The following KCNC2 variants were observed in gnomAD, a reference collection of about 807,000 sequenced individuals.
KCNC2 encodes the protein potassium voltage-gated channel subfamily C member 2, also known as voltage-gated potassium channel KCNC2.
A neutral mutation model predicts 44.5 loss-of-function variants in KCNC2; 21 were observed. The ratio of observed to expected loss-of-function variants is 0.47; its 90% confidence interval spans 0.33 to 0.68. The LOEUF (loss-of-function observed/expected upper bound fraction) is 0.68, where lower values mean the gene tolerates loss of function less well. Ranked by LOEUF, KCNC2 falls within the 30% of genes least tolerant of loss-of-function variation. The pLI, the probability that KCNC2 is intolerant of heterozygous loss-of-function variation, is 0.01. For synonymous variants in KCNC2, 391 were observed against 339.1 expected (o/e 1.15, Z -1.68); for missense variants, 589 against 826.2 (o/e 0.71, Z 3.52).
At chr12:75,162,057 G>C (rs1891156436) in intron 2 of KCNC2, among the ~76,000 whole-genome samples, 1 of 151,314 alleles carries the variant, frequency 6.6e-6, no homozygotes, top group African/African-American at 2.4e-5. Context: ...GGTTCTATTT[G>C]GGATTATAAA....
chr12:75,049,288 T>G (rs1880908927), intron 3 of KCNC2, among the ~76,000 whole-genome samples: 1 of 152,146 alleles, frequency 6.6e-6, no homozygotes, highest in Admixed American at 6.6e-5. Flanking sequence ...CCTCCTTTTT[T>G]GTTAGTTTGC....
intron 2 of KCNC2, among the ~76,000 whole-genome samples, chr12:75,194,872 T>C (rs1028316120): frequency 3.3e-5 from 5 of 152,178 alleles, no homozygotes; most frequent in African/African-American, 1.2e-4. Context: ...TATATATGTG[T>C]CTTGGAAGGA....
intron 2 of KCNC2, among the ~76,000 whole-genome samples, chr12:75,105,525 C>A (rs139911725): frequency 6.6e-6 from 1 of 152,056 alleles, no homozygotes; most frequent in African/African-American, 2.4e-5. Flanking sequence ...GCAGGAGGCC[C>A]ATTAGAAAGC....
At chr12:75,108,092 T>C (rs982348842) in intron 2 of KCNC2, among the ~76,000 whole-genome samples, 5 of 152,196 alleles carry the variant, frequency 3.3e-5, no homozygotes, top group African/African-American at 1.2e-4. Context: ...TTGAATACAT[T>C]AATAAATAAA....
chr12:75,189,522 G>T (rs533864981), intron 2 of KCNC2, among the ~76,000 whole-genome samples: 1 of 152,310 alleles, frequency 6.6e-6, no homozygotes, highest in South Asian at 2.1e-4. Flanking sequence ...CCACCAGTCT[G>T]TTAGGAAAAC....
At chr12:75,103,001 T>C (rs1886495979) in intron 2 of KCNC2, among the ~76,000 whole-genome samples, 2 of 152,044 alleles carry the variant, frequency 1.3e-5, no homozygotes, top group Admixed American at 1.3e-4. Context: ...AGAAAGGACC[T>C]GGGGTGTCTC....
At chr12:75,189,296 C>T (rs1217497915) in intron 2 of KCNC2, among the ~76,000 whole-genome samples, 1 of 152,132 alleles carries the variant, frequency 6.6e-6, no homozygotes, top group African/African-American at 2.4e-5. Context: ...CCACCATGGT[C>T]ACGTTCTCTA....
intron 2 of KCNC2, among the ~76,000 whole-genome samples, chr12:75,111,309 GTTTTCTGT>G (rs1887220258): frequency 6.6e-6 from 1 of 151,696 alleles, no homozygotes; most frequent in African/African-American, 2.4e-5. Context: ...CAGACATTAA[GTTTTCTGT>G]TTTTCTATTT....
At chr12:75,137,800 T>A (rs1436795247) in intron 2 of KCNC2, among the ~76,000 whole-genome samples, 1 of 152,200 alleles carries the variant, frequency 6.6e-6, no homozygotes, top group African/African-American at 2.4e-5. Context: ...CACCATCAAA[T>A]ATTCTCAATT....
At chr12:75,191,807 C>G (rs2030306350) in intron 2 of KCNC2, among the ~76,000 whole-genome samples, 1 of 151,740 alleles carries the variant, frequency 6.6e-6, no homozygotes, top group South Asian at 2.1e-4. Flanking sequence ...CCTCGGCCTC[C>G]CAAAGTGCTG....
chr12:75,153,026 A>G (rs1051314901), intron 2 of KCNC2, among the ~76,000 whole-genome samples: 2 of 152,044 alleles, frequency 1.3e-5, no homozygotes, highest in African/African-American at 2.4e-5. Flanking sequence ...AGTGGCAACA[A>G]TAAACATGGA....
chr12:75,084,290 T>TGATAGATAGATAGATA (rs56889908), intron 2 of KCNC2, among the ~76,000 whole-genome samples: 7 of 123,656 alleles, frequency 5.7e-5, no homozygotes, highest in East Asian at 4.5e-4. Flanking sequence ...GATAGATAGA[T>TGATAGATAGATAGATA]GATAGATAGA....
At chr12:75,138,052 G>T (rs548105547) in intron 2 of KCNC2, among the ~76,000 whole-genome samples, 12 of 152,286 alleles carry the variant, frequency 7.9e-5, no homozygotes, top group Middle Eastern at 3.4e-3. Context: ...CCATGCTGTG[G>T]TCTCACATGG....
intron 2 of KCNC2, among the ~76,000 whole-genome samples, chr12:75,070,719 C>T (rs969565815): frequency 7.3e-5 from 11 of 151,498 alleles, no homozygotes; most frequent in African/African-American, 2.4e-4. Context: ...TTTATATTCA[C>T]CCTTTATAAA....
chr12:75,191,083 G>C (rs1273887427), intron 2 of KCNC2, among the ~76,000 whole-genome samples: 1 of 152,018 alleles, frequency 6.6e-6, no homozygotes, highest in African/African-American at 2.4e-5. Flanking sequence ...TGGACTGCAA[G>C]ACACCATTCA....
chr12:75,054,195 G>A (rs1399632749), intron 2 of KCNC2, among the ~76,000 whole-genome samples: 2 of 150,792 alleles, frequency 1.3e-5, no homozygotes, highest in East Asian at 3.9e-4. Flanking sequence ...CACTACACTC[G>A]AGCCTGGGCA....
At chr12:75,051,535 C>T (rs1049968286) in intron 2 of KCNC2, among the ~76,000 whole-genome samples, 3 of 151,946 alleles carry the variant, frequency 2.0e-5, no homozygotes, top group Non-Finnish European at 4.4e-5. Flanking sequence ...CTTATAGATA[C>T]AAAGGTTTGC....
chr12:75,175,431 C>T (rs1326646913), intron 2 of KCNC2, among the ~76,000 whole-genome samples: 1 of 151,964 alleles, frequency 6.6e-6, no homozygotes, highest in Non-Finnish European at 1.5e-5. Flanking sequence ...TTAAAGATTG[C>T]ATCATTGGTA....
chr12:75,064,970 A>C lies in KCNC2; in HGVS notation c.688-13653T>G, dbSNP rs1882686804. Among the ~76,000 whole-genome samples, 3 of 152,002 alleles carry C rather than the reference A, an allele frequency of 2.0e-5. No individual in the cohort carries two copies. The South Asian group carries it at 6.2e-4, about 31-fold the overall frequency. On this transcript the variant is annotated intron_variant, in intron 2 of 4. Coordinates refer to ENST00000549446, the MANE Select transcript of KCNC2 (RefSeq NM_139137.4). The stretch of plus-strand genomic sequence containing the variant: ...GTGTGTGTGTAGCATAGCACCAACA[A>C]ATATTATATAAAGATTATACAAAAC...
Sources: allele counts gnomAD v4.1 joint callset (sites outside exome capture counted in the v4.1 genomes callset), GRCh38; gene constraint gnomAD v4.1.1; transcripts MANE v1.5; gene names NCBI Gene and HGNC (gene_info 2026-07-23, HGNC 2026-07-21).